Variants in ZNF385D observed in about 807,000 individuals in gnomAD.
ZNF385D encodes zinc finger protein 385D, also known as zinc finger protein 659.
ZNF385D carries 15 observed loss-of-function variants against 35.8 expected under a neutral mutation model. That is an observed-to-expected ratio of 0.42 (90% CI 0.28 to 0.64). The LOEUF (loss-of-function observed/expected upper bound fraction) is 0.64, where lower values mean the gene tolerates loss of function less well. ZNF385D is among the 30% of genes least tolerant of loss of function. The pLI is 0.23. For synonymous variants in ZNF385D, 212 were observed against 186.8 expected (o/e 1.13, Z -1.10); for missense variants, 474 against 494.6 (o/e 0.96, Z 0.39).
Position 21,757,120 on chromosome 3 carries a change from CTTTTTTTT to C in ZNF385D, c.326-92100_326-92093del, listed in dbSNP as rs61226426. On this transcript the variant is annotated intron_variant, in intron 3 of 5. Transcript: ENST00000494108. ...CTTTGGAGACATATGATAAATTTCT[CTTTTTTTT>C]TTTTTTTTTTTGTTTTCTTGAGATG... Among the ~76,000 whole-genome samples, 420 of 106,424 alleles carry C rather than the reference CTTTTTTTT, an allele frequency of 3.9e-3. 6 individuals carry two copies. The highest frequency in any genetic ancestry group is 0.015 in the African/African-American group (405 of 27,924). 69.8% of individuals were successfully genotyped at this position (106,424 alleles called of 152,430 possible).
chr3:21,602,521 T>C (rs1420515507), intron 2 of ZNF385D, among the ~76,000 whole-genome samples: 2 of 56,070 alleles, frequency 3.6e-5, no homozygotes, highest in African/African-American at 9.4e-5. Context: ...CATTTTCTTT[T>C]TTTTTTTTTT....
chr3:21,700,069 TG>T (rs1249070123), intron 1 of ZNF385D, among the ~76,000 whole-genome samples: 1 of 152,052 alleles, frequency 6.6e-6, no homozygotes, highest in Non-Finnish European at 1.5e-5. Flanking sequence ...TGACTTCAGG[TG>T]ATCAAACTCC....
At chr3:21,450,547 G>C (rs1378828477) in intron 4 of ZNF385D, among the ~76,000 whole-genome samples, 5 of 152,138 alleles carry the variant, frequency 3.3e-5, no homozygotes, top group African/African-American at 1.2e-4. Flanking sequence ...ATTGGCTAAT[G>C]GAGTTGAACT....
intron 3 of ZNF385D, among the ~76,000 whole-genome samples, chr3:22,008,299 A>G (rs1696342894): frequency 6.6e-6 from 1 of 151,918 alleles, no homozygotes; most frequent in Non-Finnish European, 1.5e-5. Context: ...AAAATACTTA[A>G]TAGAACAAAA....
intron 2 of ZNF385D, among the ~76,000 whole-genome samples, chr3:22,246,927 AC>A: frequency 6.6e-6 from 1 of 152,152 alleles, no homozygotes; most frequent in Non-Finnish European, 1.5e-5. Context: ...ATATTATTGT[AC>A]CTTTTGTCAA....
intron 3 of ZNF385D, among the ~76,000 whole-genome samples, chr3:21,787,992 A>AGC (rs2071772061): frequency 2.0e-5 from 3 of 147,266 alleles, no homozygotes; most frequent in Non-Finnish European, 4.5e-5. Flanking sequence ...AGAGAGAGAG[A>AGC]GAGCAATAGT....
At chr3:21,956,499 C>A (rs369583221) in intron 3 of ZNF385D, among the ~76,000 whole-genome samples, 1 of 151,860 alleles carries the variant, frequency 6.6e-6, no homozygotes, top group African/African-American at 2.4e-5. Context: ...AGGGAGACAA[C>A]TAAGAGGTAA....
chr3:22,090,926 T>TA (rs1701298988), intron 3 of ZNF385D, among the ~76,000 whole-genome samples: 1 of 152,108 alleles, frequency 6.6e-6, no homozygotes, highest in Admixed American at 6.6e-5. Flanking sequence ...AGTGTGAAGT[T>TA]ACAGCATGCT....
chr3:21,552,516 T>C (rs2062602796), intron 3 of ZNF385D, among the ~76,000 whole-genome samples: 1 of 152,236 alleles, frequency 6.6e-6, no homozygotes, highest in African/African-American at 2.4e-5. Context: ...ATTTAAAGGT[T>C]GGTATGTCAT....
At chr3:21,922,078 C>A (rs1700492325) in intron 3 of ZNF385D, among the ~76,000 whole-genome samples, 1 of 151,614 alleles carries the variant, frequency 6.6e-6, no homozygotes, top group African/African-American at 2.4e-5. Context: ...CCTGATGAAC[C>A]AAGGGGGTGA....
At chr3:21,852,707 T>C (rs1358109465) in intron 3 of ZNF385D, among the ~76,000 whole-genome samples, 1 of 151,778 alleles carries the variant, frequency 6.6e-6, no homozygotes, top group South Asian at 2.1e-4. Flanking sequence ...AAGAATAAAA[T>C]TGGGGGTAAG....
intron 2 of ZNF385D, among the ~76,000 whole-genome samples, chr3:22,295,628 T>A (rs911143452): frequency 3.3e-5 from 5 of 152,150 alleles, no homozygotes; most frequent in African/African-American, 1.2e-4. Flanking sequence ...ACTAGGTAAA[T>A]GAGGTGGATC....
At chr3:21,782,665 A>T (rs1479372785) in intron 3 of ZNF385D, among the ~76,000 whole-genome samples, 1 of 152,238 alleles carries the variant, frequency 6.6e-6, no homozygotes, top group East Asian at 1.9e-4. Context: ...TACATAACAA[A>T]TGTAACTCTA....
chr3:22,369,045 C>T (rs1333063919), intron 2 of ZNF385D, among the ~76,000 whole-genome samples: 1 of 152,122 alleles, frequency 6.6e-6, no homozygotes, highest in Non-Finnish European at 1.5e-5. Context: ...TTTCAACTCA[C>T]CAGCTTTATT....
chr3:21,574,719 A>C (rs942798456), intron 2 of ZNF385D, among the ~76,000 whole-genome samples: 1 of 152,072 alleles, frequency 6.6e-6, no homozygotes, highest in African/African-American at 2.4e-5. Flanking sequence ...ATTGGTCCTG[A>C]GTTGATAATT....
chr3:21,772,338 G>C (rs1348429887), intron 3 of ZNF385D, among the ~76,000 whole-genome samples: 1 of 151,750 alleles, frequency 6.6e-6, no homozygotes, highest in Non-Finnish European at 1.5e-5. Context: ...TCTGATAACA[G>C]ATTAATAGCC....
In ZNF385D at chr3:21,665,174, C is replaced by G. The variant is rs552996056; in HGVS notation, c.23-146G>C. ...TCTATTGACCTCAACTGGGAACCGG[C>G]CAATGAGCAAATTTGCCATTAGGCA... is the stretch of plus-strand genomic sequence containing the variant. On this transcript the variant is annotated intron_variant, in intron 1 of 7. Transcript: ENST00000281523. The G allele has an allele frequency of 1.2e-4, 123 of 1,038,894 alleles. 4 individuals are homozygous for G. The South Asian group carries it at 1.8e-3, about 15-fold the overall frequency. The allele number at this position is 1,038,894 out of a possible 1,614,324, so 64.4% of individuals were successfully genotyped here. A position where few individuals can be genotyped will look rare whatever the true frequency, so the allele number is the denominator to read the frequency against.
intron 5 of ZNF385D, among the ~76,000 whole-genome samples, chr3:21,432,070 G>A (rs900833106): frequency 1.3e-5 from 2 of 152,068 alleles, no homozygotes; most frequent in African/African-American, 4.8e-5. Flanking sequence ...TAAAAAGAAA[G>A]TTATGAGCTC....
At chr3:21,768,256 A>G (rs540384753) in intron 3 of ZNF385D, among the ~76,000 whole-genome samples, 2 of 152,108 alleles carry the variant, frequency 1.3e-5, no homozygotes, top group Non-Finnish European at 2.9e-5. Flanking sequence ...AAATGTTAAG[A>G]AAAAGAGCAT....
Sources: gnomAD v4.1 joint callset for allele counts (sites outside exome capture counted in the v4.1 genomes callset) on GRCh38, gnomAD v4.1.1 for gene constraint, MANE v1.5 for transcripts, NCBI Gene and HGNC (gene_info 2026-07-23, HGNC 2026-07-21) for gene names.